The following BRCA1 variants were observed in gnomAD, a reference collection of about 807,000 sequenced individuals.
The protein encoded by BRCA1 is breast cancer type 1 susceptibility protein.
BRCA1 carries 140 observed loss-of-function variants against 173.7 expected under a neutral mutation model. The ratio of observed to expected loss-of-function variants is 0.81; its 90% CI spans 0.70 to 0.93. BRCA1 has a LOEUF of 0.93. Among genes scored for constraint, BRCA1 ranks in the 40% least tolerant of loss-of-function variants. The pLI is 0.00. For synonymous variants in BRCA1, 662 were observed against 756.0 expected (o/e 0.88, Z 2.04); for missense variants, 1,983 against 2,172.5 (o/e 0.91, Z 1.73).
intron 14 of BRCA1, among the ~76,000 whole-genome samples, chr17:43,073,850 G>A (rs1183079906): frequency 6.6e-6 from 1 of 152,014 alleles, no homozygotes; most frequent in African/African-American, 2.4e-5. Context: ...CGCCTCCCGG[G>A]TTCAAGTGAT....
At chr17:43,137,874 CCAAAA>C (rs1026708616) in intron 1 of BRCA1, among the ~76,000 whole-genome samples, 12 of 151,872 alleles carry the variant, frequency 7.9e-5, no homozygotes, top group Non-Finnish European at 1.3e-4. Context: ...AAGACCATCT[CCAAAA>C]CAAAACAAAA....
intron 1 of BRCA1, among the ~76,000 whole-genome samples, chr17:43,146,781 C>A (rs574499476): frequency 6.6e-6 from 1 of 152,212 alleles, no homozygotes; most frequent in African/African-American, 2.4e-5. Context: ...GCCTCACTCT[C>A]TTCCCCTCTC....
At chr17:43,095,981 C>CA in intron 8 of BRCA1, 59 bp from the exon 9 acceptor site, 2 of 1,367,470 alleles carry the variant, frequency 1.5e-6, no homozygotes, top group Non-Finnish European at 1.0e-6. Flanking sequence ...GCAGAACTGT[C>CA]AAATGACCAA....
At chr17:43,117,130 T>C (rs1210617116) in intron 2 of BRCA1, among the ~76,000 whole-genome samples, 1 of 152,156 alleles carries the variant, frequency 6.6e-6, no homozygotes, top group Non-Finnish European at 1.5e-5. Flanking sequence ...AAGTACTCAC[T>C]AAAGGAAATT....
chr17:43,052,695 T>TAG, intron 19 of BRCA1, among the ~76,000 whole-genome samples: 1 of 150,626 alleles, frequency 6.6e-6, no homozygotes, highest in South Asian at 2.1e-4. Context: ...GAGACTGCGA[T>TAG]AGAGAAAAAA....
At chr17:43,126,652 GTC>G (rs2055884182), upstream of BRCA1, among the ~76,000 whole-genome samples, 1 of 152,226 alleles carries the variant, frequency 6.6e-6, no homozygotes, top group Non-Finnish European at 1.5e-5. Flanking sequence ...GAGTTGGAGA[GTC>G]TGTGGTTCAG....
At chr17:43,083,483 C>T (rs2053109004) in intron 11 of BRCA1, among the ~76,000 whole-genome samples, 1 of 152,100 alleles carries the variant, frequency 6.6e-6, no homozygotes, top group African/African-American at 2.4e-5. Context: ...ACAGAAAAAG[C>T]AAAAAGCTAA....
At position 43,063,315 on chromosome 17, in the gene BRCA1, G is replaced by GT. The variant is rs2051850260; in HGVS notation, c.5193+17dup. On this transcript the variant is annotated intron_variant, in intron 18 of 22. Coordinates refer to ENST00000357654, the MANE Select transcript of BRCA1 (RefSeq NM_007294.4). ...CTGAATGAATATCTCTGGTTAGTTTGTAACATCAAGTACTTACCTCATTCA... is the reference window on the plus strand; with the variant it reads ...CTGAATGAATATCTCTGGTTAGTTTGTTAACATCAAGTACTTACCTCATTCA... The GT allele has an allele frequency of 6.3e-7, 1 of 1,589,274 alleles. No homozygotes were observed. Among genetic ancestry groups the GT allele is most frequent in the South Asian group, 1.1e-5 (1 of 90,554 alleles).
rs2052583222 is a variant in BRCA1, at chr17:43,074,317, A to T, written c.4675+14T>A. On this transcript the variant is annotated intron_variant, in intron 14 of 22. Coordinates refer to ENST00000357654, the MANE Select transcript of BRCA1 (RefSeq NM_007294.4). The stretch of plus-strand genomic sequence containing the variant: ...ATCAAAGTGTTTGTTCCAATACAGC[A>T]GATGAAATATTACCTAGATCTTGCC... 1 of 1,613,730 alleles carries T rather than the reference A, an allele frequency of 6.2e-7. No individual in the cohort carries two copies. The highest frequency in any genetic ancestry group is 8.5e-7 in the Non-Finnish European group (1 of 1,179,624).
At chr17:43,146,299 C>CTTTTTT (rs774223347) in intron 1 of BRCA1, among the ~76,000 whole-genome samples, 1 of 76,114 alleles carries the variant, frequency 1.3e-5, no homozygotes, top group Non-Finnish European at 2.3e-5. Context: ...ATTTTTGTTA[C>CTTTTTT]TTTTTTTTTT....
chr17:43,091,930 C>T lies in BRCA1; in HGVS notation c.3601G>A (p.Gly1201Ser), dbSNP rs55725337. Residue 1201 changes from glycine (G) to serine (S), a missense_variant, in exon 10 of 23, where the codon GGT becomes AGT. By Grantham distance (56) the Gly-to-Ser change is moderately conservative (BLOSUM62 0). Transcript: ENST00000357654. ...SPFTHTHLAQ[G>S]YRRGAKKLES... Reference sequence around the variant, plus strand: ...AATTTCTTGGCCCCTCTTCGGTAACCCTGAGCCAAATGTGTATGGGTGAAA... The same window carrying T: ...AATTTCTTGGCCCCTCTTCGGTAACTCTGAGCCAAATGTGTATGGGTGAAA... 19 of 1,613,974 alleles carry T rather than the reference C, an allele frequency of 1.2e-5. No individual in the cohort carries two copies. Among genetic ancestry groups the T allele is most frequent in the Admixed American group, 1.7e-5 (1 of 59,988 alleles).
At chr17:43,151,869 C>T (rs774443864) in intron 1 of BRCA1, among the ~76,000 whole-genome samples, 12 of 152,174 alleles carry the variant, frequency 7.9e-5, no homozygotes, top group Non-Finnish European at 1.3e-4. Context: ...GTACCTCAGC[C>T]TGGGTGACAG....
upstream of BRCA1, among the ~76,000 whole-genome samples, chr17:43,129,438 A>G (rs1174989113): frequency 1.3e-5 from 2 of 149,648 alleles, no homozygotes; most frequent in African/African-American, 5.0e-5. Context: ...GACGAAGATT[A>G]ATTTCCCTAA....
At chr17:43,067,783 C>T (rs2153725098) in intron 15 of BRCA1, 88 bp from the exon 16 acceptor site, 2 of 1,020,086 alleles carry the variant, frequency 2.0e-6, no homozygotes, top group Non-Finnish European at 3.0e-6. Context: ...CATATGTTTA[C>T]CTATGTAGCA....
chr17:43,081,633 CTGTT>C lies in BRCA1; in HGVS notation c.4357+767_4357+770del, dbSNP rs572999365. On this transcript the variant is annotated intron_variant, in intron 12 of 22. Coordinates refer to ENST00000357654, the MANE Select transcript of BRCA1 (RefSeq NM_007294.4). ...CCCATGCCTAGCATCTCCTATGTGT[CTGTT>C]TGTTTGCCCCTATTTAAAAATCTGC... is the stretch of plus-strand genomic sequence containing the variant. Among the ~76,000 whole-genome samples, 161 of 152,304 alleles carry C rather than the reference CTGTT, an allele frequency of 1.1e-3. 1 individual carries two copies. The highest frequency in any genetic ancestry group is 2.3e-3 in the Admixed American group (35 of 15,296).
rs761359856 is a variant in BRCA1 at position 43,058,378 on chromosome 17, A to AC, written c.5194-1244_5194-1243insG. On this transcript the variant is annotated intron_variant, in intron 18 of 22. Coordinates refer to ENST00000357654, the MANE Select transcript of BRCA1 (RefSeq NM_007294.4). ...GACAAAGTGAGACTCTGCTAAAAAA[A>AC]AACACACACACACACACACATAAAA... is the stretch of plus-strand genomic sequence containing the variant. Among the ~76,000 whole-genome samples, 513 of 151,944 alleles carry AC rather than the reference A, an allele frequency of 3.4e-3. 1 individual carries two copies. The highest frequency in any genetic ancestry group is 0.01 in the African/African-American group (425 of 41,418).
At chr17:43,107,159 G>A (rs1451912028) in intron 3 of BRCA1, among the ~76,000 whole-genome samples, 2 of 150,112 alleles carry the variant, frequency 1.3e-5, no homozygotes, top group African/African-American at 4.9e-5. Flanking sequence ...CCACCTCCTG[G>A]GTTCACGCCA....
At chr17:43,134,135 G>A (rs1223136068) in intron 1 of BRCA1, among the ~76,000 whole-genome samples, 1 of 152,084 alleles carries the variant, frequency 6.6e-6, no homozygotes, top group Non-Finnish European at 1.5e-5. Context: ...CCCTTTGCAG[G>A]TACCTTTTTT....
In BRCA1 at chr17:43,045,692, G is replaced by C; in HGVS notation, c.5578C>G (p.His1860Asp). The change falls in exon 23 of 23, where the codon CAC (histidine) becomes GAC (aspartate). Residue 1860 changes from histidine to aspartate, a missense_variant. Physicochemically the swap from His to Asp is moderately conservative, Grantham distance 81 (BLOSUM62 -1). Transcript: ENST00000357654. Reference sequence around the variant, plus strand: ...GCTGGCTGCAGTCAGTAGTGGCTGTGGGGGATCTGGGGTATCAGGTAGGTG... The same window carrying C: ...GCTGGCTGCAGTCAGTAGTGGCTGTCGGGGATCTGGGGTATCAGGTAGGTG... The part of the protein sequence containing the change: ...LDTYLIPQIP[H>D]SHY 1 of 1,613,652 alleles carries C rather than the reference G, an allele frequency of 6.2e-7. No homozygotes were observed. The highest frequency in any genetic ancestry group is 1.1e-5 in the South Asian group (1 of 90,948).
Sources: gnomAD v4.1 joint callset for allele counts (sites outside exome capture counted in the v4.1 genomes callset) on GRCh38, gnomAD v4.1.1 for gene constraint, MANE v1.5 for transcripts, NCBI Gene and HGNC (gene_info 2026-07-23, HGNC 2026-07-21) for gene names.